Variants in MKX observed in about 807,000 individuals in gnomAD.
The protein encoded by MKX is homeobox protein Mohawk.
MKX carries 13 observed loss-of-function variants against 36.0 expected under a neutral mutation model. The observed-to-expected ratio is 0.36, with a 90% CI of 0.24 to 0.57. The LOEUF (loss-of-function observed/expected upper bound fraction) is 0.57. Ranked by LOEUF, MKX falls within the 20% of genes least tolerant of loss-of-function variation. The pLI, the probability that MKX is intolerant of heterozygous loss-of-function variation, is 0.79. For synonymous variants in MKX, 176 were observed against 178.3 expected (o/e 0.99, Z 0.10); for missense variants, 458 against 456.4 (o/e 1.00, Z -0.03).
intron 5 of MKX, among the ~76,000 whole-genome samples, chr10:27,732,364 TTTTAA>T (rs754396737): frequency 6.6e-6 from 1 of 152,212 alleles, no homozygotes; most frequent in Non-Finnish European, 1.5e-5. Context: ...GTTTATGAAC[TTTTAA>T]TTTGTGTGGA....
chr10:27,675,190 CG>C lies in MKX; in HGVS notation c.*38del, dbSNP rs776903893. ...TTAGGATGAGGGTTGATGAAAACACCGGAAAGAACATCCATTGGATCTGAAA... is the reference window on the plus strand; with the variant it reads ...TTAGGATGAGGGTTGATGAAAACACCGAAAGAACATCCATTGGATCTGAAA... On this transcript the variant is annotated 3_prime_UTR_variant, in exon 7 of 7. Coordinates refer to ENST00000419761, the MANE Select transcript of MKX (RefSeq NM_173576.3). 6.3e-7 allele frequency: 1 copy of C among 1,590,226 alleles called. No individual in the cohort carries two copies. The highest frequency in any genetic ancestry group is 1.7e-5 in the Admixed American group (1 of 57,942).
intron 5 of MKX, among the ~76,000 whole-genome samples, chr10:27,726,045 C>T (rs181323165): frequency 2.2e-3 from 328 of 152,256 alleles, no homozygotes; most frequent in African/African-American, 7.5e-3. Context: ...TTCTGTGAAG[C>T]TGCCCCGGGA....
At chr10:27,690,161 A>G (rs2132508013) in intron 5 of MKX, among the ~76,000 whole-genome samples, 1 of 152,318 alleles carries the variant, frequency 6.6e-6, no homozygotes, top group South Asian at 2.1e-4. Flanking sequence ...TCACGAGGTC[A>G]GGAGTTGAAG....
At chr10:27,697,532 G>A (rs1836576922) in intron 5 of MKX, among the ~76,000 whole-genome samples, 1 of 152,118 alleles carries the variant, frequency 6.6e-6, no homozygotes, top group South Asian at 2.1e-4. Flanking sequence ...CCTCAGAGAA[G>A]CCCACTGACA....
In MKX at chr10:27,742,254, G is replaced by T. The variant is rs1259156321; in HGVS notation, c.189-750C>A. Reference sequence around the variant, plus strand: ...GCAGAGGCAGCCAGGAGCCTGGAGCGTGGCCTGGGGCGCTGCGCTCCCTCA... The same window carrying T: ...GCAGAGGCAGCCAGGAGCCTGGAGCTTGGCCTGGGGCGCTGCGCTCCCTCA... On this transcript the variant is annotated intron_variant, in intron 2 of 6. Transcript: ENST00000419761. This position sits in a 1 kb window ranked among gnomAD's most constrained non-coding sequence, Gnocchi z 4.2. Among the ~76,000 whole-genome samples, 2 of 152,146 alleles carry T rather than the reference G, an allele frequency of 1.3e-5. No individual in the cohort carries two copies. Among genetic ancestry groups the T allele is most frequent in the Non-Finnish European group, 2.9e-5 (2 of 68,018 alleles).
Position 27,711,483 on chromosome 10 carries a change from C to CTTTCTTTT in MKX, c.838+22972_838+22973insAAAAGAAA, listed in dbSNP as rs1391922537. 2.9e-3 allele frequency among the ~76,000 whole-genome samples: 183 copies of CTTTCTTTT among 63,276 alleles called. 7 individuals are homozygous for CTTTCTTTT. Among genetic ancestry groups the CTTTCTTTT allele is most frequent in the African/African-American group, 9.7e-3 (168 of 17,334 alleles). 41.5% of individuals were successfully genotyped at this position (63,276 alleles called of 152,430 possible). On this transcript the variant is annotated intron_variant, in intron 5 of 6. Transcript: ENST00000419761. ...TCTTTCTTTCTTTCTTTCTTTCTTTCTCTCTCTCTCTCTTCTTTCCTTCCT... is the reference window on the plus strand; with the variant it reads ...TCTTTCTTTCTTTCTTTCTTTCTTTCTTTCTTTTTCTCTCTCTCTCTTCTTTCCTTCCT...
intron 5 of MKX, among the ~76,000 whole-genome samples, chr10:27,723,011 G>C (rs904647833): frequency 6.6e-6 from 1 of 152,206 alleles, no homozygotes; most frequent in African/African-American, 2.4e-5. Context: ...TTCCTAATGA[G>C]AGGAAAGTTA....
chr10:27,742,406 C>T lies in MKX; in HGVS notation c.188+822G>A, dbSNP rs1305210742. Among the ~76,000 whole-genome samples the T allele has an allele frequency of 3.9e-5, 6 of 152,170 alleles. No individual in the cohort carries two copies. On this transcript the variant is annotated intron_variant, in intron 2 of 6. Coordinates refer to ENST00000419761, the MANE Select transcript of MKX (RefSeq NM_173576.3). The surrounding 1 kb of genome is among the most constrained non-coding windows in gnomAD (Gnocchi z 4.2). The stretch of plus-strand genomic sequence containing the variant: ...CTTTGAAATGCAATTCCACCCGAAA[C>T]GACTGGTAGTAACATTTTGACGAAA...
At chr10:27,734,121 T>C (rs1476548618) in intron 5 of MKX, among the ~76,000 whole-genome samples, 2 of 152,082 alleles carry the variant, frequency 1.3e-5, no homozygotes, top group South Asian at 2.1e-4. Context: ...TTCTGAAGAT[T>C]AAAATTATTA....
At chr10:27,678,109 A>G (rs1323579918) in intron 5 of MKX, among the ~76,000 whole-genome samples, 1 of 152,198 alleles carries the variant, frequency 6.6e-6, no homozygotes, top group Non-Finnish European at 1.5e-5. Flanking sequence ...ATTTACTACT[A>G]CTGACTTTGT....
At chr10:27,693,335 T>C (rs1324158719) in intron 5 of MKX, among the ~76,000 whole-genome samples, 2 of 152,154 alleles carry the variant, frequency 1.3e-5, no homozygotes, top group East Asian at 1.9e-4. Flanking sequence ...AAGTGTAATA[T>C]GCAGGAGAGG....
chr10:27,740,072 CAG>C (rs1834860327), intron 3 of MKX, among the ~76,000 whole-genome samples: 1 of 152,140 alleles, frequency 6.6e-6, no homozygotes, highest in Admixed American at 6.6e-5. Flanking sequence ...TGAAAGAAAA[CAG>C]ATGTTTTTGT....
chr10:27,697,702 A>T (rs1836580270), intron 5 of MKX, among the ~76,000 whole-genome samples: 2 of 152,232 alleles, frequency 1.3e-5, no homozygotes, highest in South Asian at 4.1e-4. Flanking sequence ...TGTGTGCTGT[A>T]CACCAGGCAC....
intron 5 of MKX, among the ~76,000 whole-genome samples, chr10:27,731,733 G>A (rs1451681219): frequency 1.3e-5 from 2 of 151,336 alleles, no homozygotes; most frequent in Non-Finnish European, 2.9e-5. Context: ...AGTGCCTTTG[G>A]AATGCTTTAA....
intron 5 of MKX, among the ~76,000 whole-genome samples, chr10:27,679,632 T>C: frequency 6.6e-6 from 1 of 152,192 alleles, no homozygotes; most frequent in Non-Finnish European, 1.5e-5. Flanking sequence ...TTGTGCTTTT[T>C]TAGGAAAGCA....
intron 5 of MKX, among the ~76,000 whole-genome samples, chr10:27,727,006 T>C (rs1420563351): frequency 6.6e-6 from 1 of 152,078 alleles, no homozygotes; most frequent in Non-Finnish European, 1.5e-5. Context: ...GAACTTTTAA[T>C]ATATATATAC....
chr10:27,693,185 T>G (rs930132650), intron 5 of MKX, among the ~76,000 whole-genome samples: 3 of 152,158 alleles, frequency 2.0e-5, no homozygotes, highest in Admixed American at 6.5e-5. Context: ...CTCTTGGCTG[T>G]GTGTGTGCTG....
chr10:27,692,828 G>T (rs546686042), intron 5 of MKX, among the ~76,000 whole-genome samples: 1 of 152,298 alleles, frequency 6.6e-6, no homozygotes, highest in South Asian at 2.1e-4. Context: ...AGAGTATTTG[G>T]TTATTTTTAG....
rs575861525 is a variant in MKX at position 27,724,577 on chromosome 10, TC to T, written c.838+9878del. 2.0e-5 allele frequency among the ~76,000 whole-genome samples: 3 copies of T among 152,208 alleles called. No homozygotes were observed. In the South Asian group the frequency reaches 6.2e-4, roughly 32 times the overall value. ...TGCTTCAAACTGAGACTAATCTATCTCCTCAAAACCACTTTCAAACTGGGTT... is the reference window on the plus strand; with the variant it reads ...TGCTTCAAACTGAGACTAATCTATCTCTCAAAACCACTTTCAAACTGGGTT... On this transcript the variant is annotated intron_variant, in intron 5 of 6. Transcript: ENST00000419761.
Sources: gnomAD v4.1 joint callset for allele counts (sites outside exome capture counted in the v4.1 genomes callset) on GRCh38, gnomAD v4.1.1 for gene constraint, Gnocchi (gnomAD v3.1) non-coding constraint, MANE v1.5 for transcripts, NCBI Gene and HGNC (gene_info 2026-07-23, HGNC 2026-07-21) for gene names.